SIPA1L3: variants seen among roughly 807,000 people sequenced by gnomAD.
The protein encoded by SIPA1L3 is signal-induced proliferation-associated 1-like protein 3.
SIPA1L3 carries 59 observed loss-of-function variants against 150.1 expected under a neutral mutation model. The observed-to-expected ratio is 0.39, with a 90% CI of 0.32 to 0.49. The LOEUF is 0.49. Ranked by LOEUF, SIPA1L3 falls within the 20% of genes least tolerant of loss-of-function variation. The pLI, the probability that SIPA1L3 is intolerant of heterozygous loss-of-function variation, is 0.86. For synonymous variants in SIPA1L3, 1,070 were observed against 1,077.6 expected (o/e 0.99, Z 0.14); for missense variants, 2,211 against 2,489.5 (o/e 0.89, Z 2.38).
intron 9 of SIPA1L3, among the ~76,000 whole-genome samples, chr19:38,129,229 G>C (rs781556429): frequency 6.6e-6 from 1 of 152,192 alleles, no homozygotes; most frequent in Non-Finnish European, 1.5e-5. Flanking sequence ...ATCTCACCCA[G>C]TGAAGCAGGG....
At chr19:37,958,716 T>C (rs536811766) in intron 1 of SIPA1L3, among the ~76,000 whole-genome samples, 1 of 152,158 alleles carries the variant, frequency 6.6e-6, no homozygotes, top group Non-Finnish European at 1.5e-5. Flanking sequence ...TTAAAACTTT[T>C]GTGATGCAAA....
At chr19:37,924,216 T>G (rs962624788) in intron 1 of SIPA1L3, among the ~76,000 whole-genome samples, 13 of 152,172 alleles carry the variant, frequency 8.5e-5, no homozygotes, top group Admixed American at 7.2e-4. Context: ...CTTTCTGAGC[T>G]GCTTTTAGTA....
intron 1 of SIPA1L3, chr19:37,964,422 C>G (rs1237090147): frequency 6.6e-6 from 1 of 152,210 alleles, no homozygotes; most frequent in Non-Finnish European, 1.5e-5. Context: ...GAAAATTTCT[C>G]TTTAGAAACA....
chr19:38,097,635 C>G (rs1231131259), intron 4 of SIPA1L3, among the ~76,000 whole-genome samples: 1 of 152,192 alleles, frequency 6.6e-6, no homozygotes. Context: ...CAGCTCATTG[C>G]AACCTCCTCC....
intron 2 of SIPA1L3, among the ~76,000 whole-genome samples, chr19:38,077,119 C>T (rs1045282761): frequency 2.6e-5 from 4 of 152,084 alleles, no homozygotes; most frequent in Non-Finnish European, 5.9e-5. Flanking sequence ...CTTCTGCCAA[C>T]CAGAGGCAGC....
chr19:38,031,809 G>A (rs1025826162), intron 2 of SIPA1L3, among the ~76,000 whole-genome samples: 9 of 152,212 alleles, frequency 5.9e-5, no homozygotes, highest in Non-Finnish European at 1.0e-4. Flanking sequence ...AATTAGCCAG[G>A]TGTGGTGGTG....
At chr19:38,174,038 G>C (rs766698306) in intron 15 of SIPA1L3, among the ~76,000 whole-genome samples, 5 of 152,118 alleles carry the variant, frequency 3.3e-5, no homozygotes. Context: ...AGAGAGTCCT[G>C]ATCTGATTCA....
chr19:37,922,583 C>T lies in SIPA1L3; in HGVS notation c.-379+15225C>T, dbSNP rs545221662. Among the ~76,000 whole-genome samples the T allele has an allele frequency of 1.8e-4, 27 of 151,582 alleles. No homozygotes were observed. The East Asian group carries it at 3.8e-3, about 21-fold the overall frequency. On this transcript the variant is annotated intron_variant, in intron 1 of 21. Coordinates refer to ENST00000222345, the MANE Select transcript of SIPA1L3 (RefSeq NM_015073.3). The stretch of plus-strand genomic sequence containing the variant: ...TAATTTTTTGTGTTTGTAGTAGAGA[C>T]GGGGTTTCACTGTGTTAGCCAGGAT...
chr19:38,029,238 G>A (rs1025770344), intron 2 of SIPA1L3, 82 bp downstream of exon 2: 3 of 152,064 alleles, frequency 2.0e-5, no homozygotes, highest in Admixed American at 6.5e-5. Context: ...TAAAAAAAGA[G>A]TATCAAGGGA....
chr19:38,123,275 T>G (rs1971070144), intron 9 of SIPA1L3, among the ~76,000 whole-genome samples: 1 of 150,974 alleles, frequency 6.6e-6, no homozygotes, highest in Non-Finnish European at 1.5e-5. Flanking sequence ...TTTTTTTTGT[T>G]TTTTTTTTAA....
chr19:37,946,079 C>T (rs575147809), intron 1 of SIPA1L3, among the ~76,000 whole-genome samples: 133 of 151,472 alleles, frequency 8.8e-4, no homozygotes, highest in Middle Eastern at 3.4e-3. Context: ...TGCTTGAACG[C>T]GGGAGGCAGA....
chr19:38,017,800 G>C (rs947468550), intron 1 of SIPA1L3, among the ~76,000 whole-genome samples: 13 of 152,110 alleles, frequency 8.5e-5, no homozygotes. Context: ...AAAATGCTGG[G>C]ATTACAGGCA....
At chr19:38,174,695 C>T (rs1005619966) in intron 15 of SIPA1L3, among the ~76,000 whole-genome samples, 1 of 151,322 alleles carries the variant, frequency 6.6e-6, no homozygotes, top group Admixed American at 6.6e-5. Flanking sequence ...ACTAAAAATA[C>T]AAAAATTAGC....
At chr19:37,954,072 A>T (rs759431795) in intron 1 of SIPA1L3, among the ~76,000 whole-genome samples, 1 of 152,148 alleles carries the variant, frequency 6.6e-6, no homozygotes, top group Non-Finnish European at 1.5e-5. Flanking sequence ...ATATTTTATG[A>T]TGTGGTTAGA....
At chr19:37,978,274 G>A (rs1967121384) in intron 1 of SIPA1L3, among the ~76,000 whole-genome samples, 1 of 152,340 alleles carries the variant, frequency 6.6e-6, no homozygotes, top group South Asian at 2.1e-4. Flanking sequence ...ACAGTTGGGC[G>A]ATGGGCCGTG....
intron 15 of SIPA1L3, among the ~76,000 whole-genome samples, chr19:38,173,225 G>A (rs1972366049): frequency 6.6e-6 from 1 of 152,292 alleles, no homozygotes; most frequent in African/African-American, 2.4e-5. Flanking sequence ...GCTGCCAGGA[G>A]AGGGATGGGT....
chr19:37,984,406 C>T (rs1414354160), intron 1 of SIPA1L3, among the ~76,000 whole-genome samples: 1 of 151,958 alleles, frequency 6.6e-6, no homozygotes, highest in Non-Finnish European at 1.5e-5. Flanking sequence ...AAAAATGTGC[C>T]ATAATTGAAG....
chr19:37,932,450 C>CTGG (rs2046563316), intron 1 of SIPA1L3: 4 of 64,192 alleles, frequency 6.2e-5, no homozygotes, highest in Admixed American at 1.6e-4. Context: ...ACTCCGGTGG[C>CTGG]TGGCTGGCGT....
chr19:38,198,009 C>G (rs1973001055), intron 18 of SIPA1L3, among the ~76,000 whole-genome samples: 1 of 152,192 alleles, frequency 6.6e-6, no homozygotes, highest in African/African-American at 2.4e-5. Flanking sequence ...TTCTCGCCTC[C>G]TGCTGCTTCC....
Sources: gnomAD v4.1 joint callset for allele counts (sites outside exome capture counted in the v4.1 genomes callset) on GRCh38, gnomAD v4.1.1 for gene constraint, MANE v1.5 for transcripts, NCBI Gene and HGNC (gene_info 2026-07-23, HGNC 2026-07-21) for gene names.